CDCA4: variants seen among roughly 807,000 people sequenced by gnomAD.
The protein encoded by CDCA4 is cell division cycle-associated protein 4.
For missense variants in CDCA4, 294 were observed against 322.1 expected, an observed-to-expected ratio of 0.91 and a Z score of 0.67; for synonymous variants, 130 against 137.0, an observed-to-expected ratio of 0.95 and a Z score of 0.36.
intron 1 of CDCA4, among the ~76,000 whole-genome samples, chr14:105,018,732 G>T (rs1292690721): frequency 1.6e-5 from 2 of 128,150 alleles, no homozygotes; most frequent in East Asian, 2.1e-4. Context: ...CTAGCTCCCT[G>T]CTCAATTTTT....
At chr14:105,012,064 A>G (rs551736845) in intron 1 of CDCA4, 129 bp from the exon 2 acceptor site, 59 of 1,100,606 alleles carry the variant, frequency 5.4e-5, no homozygotes, top group East Asian at 2.9e-4. Flanking sequence ...GGGACTTGAC[A>G]GAGCTGTAAC....
chr14:105,014,781 TGG>T (rs1900599132), intron 1 of CDCA4, among the ~76,000 whole-genome samples: 1 of 152,242 alleles, frequency 6.6e-6, no homozygotes, highest in Non-Finnish European at 1.5e-5. Context: ...GGTTCCTCTG[TGG>T]GAAGTCAATA....
intron 1 of CDCA4, among the ~76,000 whole-genome samples, chr14:105,018,764 T>A (rs1886149975): frequency 6.8e-6 from 1 of 147,478 alleles, no homozygotes; most frequent in Non-Finnish European, 1.5e-5. Context: ...TAAGACAGAG[T>A]CTCATTCTGT....
In CDCA4 at chr14:105,009,894, C is replaced by CT. The variant is rs1438632077; in HGVS notation, c.*1309dup. On this transcript the variant is annotated 3_prime_UTR_variant, in exon 2 of 2. Transcript: ENST00000336219. The stretch of plus-strand genomic sequence containing the variant: ...CAGAACTGATCCTGCAGAAAGGTTG[C>CT]TGGAGGGTCAGGCCGTGGTCGTAAC... 1 of 152,192 alleles carries CT rather than the reference C, an allele frequency of 6.6e-6. No homozygotes were observed. Among genetic ancestry groups the CT allele is most frequent in the Non-Finnish European group, 1.5e-5 (1 of 68,038 alleles). The allele number at this position is 152,192 out of a possible 1,614,324, so 9.4% of individuals were successfully genotyped here. A position where few individuals can be genotyped will look rare whatever the true frequency, so the allele number is the denominator to read the frequency against.
At chr14:105,019,326 A>C (rs1212173513) in intron 1 of CDCA4, among the ~76,000 whole-genome samples, 2 of 152,168 alleles carry the variant, frequency 1.3e-5, no homozygotes, top group Non-Finnish European at 2.9e-5. Context: ...TCAGGCAAGC[A>C]GAGTACAGCT....
At position 105,011,639 on chromosome 14, in the gene CDCA4, G is replaced by A. The variant is rs1326837705; in HGVS notation, c.291C>T (p.Ser97=). ...AERAPLDRLV[S]TEILCRAAWG... ...ACGCTGCACGGCACAGGATCTCCGTGGAGACCAAGCGGTCGAGCGGCGCCC... is the reference window on the plus strand; with the variant it reads ...ACGCTGCACGGCACAGGATCTCCGTAGAGACCAAGCGGTCGAGCGGCGCCC... Residue 97 remains serine (S), a synonymous_variant, in exon 2 of 2, where the codon TCC becomes TCT. Coordinates refer to ENST00000336219, the MANE Select transcript of CDCA4 (RefSeq NM_017955.4). The A allele has an allele frequency of 6.2e-7, 1 of 1,613,900 alleles. No individual in the cohort carries two copies. The highest frequency in any genetic ancestry group is 8.5e-7 in the Non-Finnish European group (1 of 1,180,032).
chr14:105,011,945 C>G lies in CDCA4; in HGVS notation c.-6-10G>C. 1 of 1,589,408 alleles carries G rather than the reference C, an allele frequency of 6.3e-7. No individual in the cohort carries two copies. ...GTGCAAACATTGTGTCCTGCAGAAA[C>G]CAAGGAAGACACCACTTAGCACACG... On this transcript the variant is annotated splice_polypyrimidine_tract_variant and intron_variant, in intron 1 of 1. Transcript: ENST00000336219.
chr14:105,012,258 G>A (rs1028578568), intron 1 of CDCA4, among the ~76,000 whole-genome samples: 2 of 152,242 alleles, frequency 1.3e-5, no homozygotes, highest in Non-Finnish European at 1.5e-5. Flanking sequence ...TAAGAGAAAT[G>A]TAAGTGTTCG....
chr14:105,018,472 AC>A (rs1385290176), intron 1 of CDCA4, among the ~76,000 whole-genome samples: 4 of 152,200 alleles, frequency 2.6e-5, no homozygotes, highest in Non-Finnish European at 5.9e-5. Flanking sequence ...GTCACCCAGA[AC>A]ATGTGTTCAG....
chr14:105,015,026 T>C (rs1171483943), intron 1 of CDCA4, among the ~76,000 whole-genome samples: 8 of 152,086 alleles, frequency 5.3e-5, no homozygotes, highest in Non-Finnish European at 8.8e-5. Flanking sequence ...TCAGGGCAAC[T>C]CACAGAAGGA....
intron 1 of CDCA4, among the ~76,000 whole-genome samples, chr14:105,012,886 TCTCAA>T (rs1418004376): frequency 6.7e-6 from 1 of 149,698 alleles, no homozygotes; most frequent in Non-Finnish European, 1.5e-5. Context: ...TCCCCTCTCA[TCTCAA>T]CTCCTTTCTC....
At chr14:105,018,685 G>A (rs1411906173) in intron 1 of CDCA4, among the ~76,000 whole-genome samples, 1 of 152,028 alleles carries the variant, frequency 6.6e-6, no homozygotes, top group East Asian at 1.9e-4. Context: ...TATGGAATGA[G>A]AAAGGGCCCT....
intron 1 of CDCA4, among the ~76,000 whole-genome samples, chr14:105,018,824 C>T (rs1022288576): frequency 6.6e-6 from 1 of 151,988 alleles, no homozygotes; most frequent in African/African-American, 2.4e-5. Context: ...GCAACCTCCA[C>T]CTCCCAGGTT....
intron 1 of CDCA4, among the ~76,000 whole-genome samples, chr14:105,017,279 C>T (rs1900676507): frequency 1.3e-5 from 2 of 151,866 alleles, no homozygotes; most frequent in African/African-American, 2.4e-5. Context: ...GTGGTGCAAT[C>T]TCGGCTCACT....
intron 1 of CDCA4, among the ~76,000 whole-genome samples, chr14:105,018,939 G>A (rs567082308): frequency 1.3e-5 from 2 of 152,158 alleles, no homozygotes; most frequent in South Asian, 4.2e-4. Flanking sequence ...GTTTCACCAT[G>A]TTGGCCAGGC....
intron 1 of CDCA4, among the ~76,000 whole-genome samples, chr14:105,017,647 C>G (rs1886114385): frequency 6.6e-6 from 1 of 151,974 alleles, no homozygotes; most frequent in Non-Finnish European, 1.5e-5. Flanking sequence ...CTGGCCAACA[C>G]GATGAAACCC....
rs1269729226 is a variant in CDCA4 at position 105,010,943 on chromosome 14, GAC to G, written c.*259_*260del. 7.6e-6 allele frequency: 4 copies of G among 526,644 alleles called. No individual in the cohort carries two copies. Among genetic ancestry groups the G allele is most frequent in the Non-Finnish European group, 1.3e-5 (4 of 298,908 alleles). 32.6% of individuals were successfully genotyped at this position (526,644 alleles called of 1,614,324 possible). ...TCCTCTACAGTGGGGGACACAAAGA[GAC>G]ACGAGGGGCCCAGGGCTGTGGGGAC... On this transcript the variant is annotated 3_prime_UTR_variant, in exon 2 of 2. Coordinates refer to ENST00000336219, the MANE Select transcript of CDCA4 (RefSeq NM_017955.4).
At chr14:105,016,310 G>A (rs1900653976) in intron 1 of CDCA4, among the ~76,000 whole-genome samples, 1 of 152,122 alleles carries the variant, frequency 6.6e-6, no homozygotes, top group African/African-American at 2.4e-5. Context: ...TTTCCTCTCT[G>A]CACAAGGGAG....
chr14:105,012,066 A>G, intron 1 of CDCA4, 131 bp from the exon 2 acceptor site: 2 of 1,056,394 alleles, frequency 1.9e-6, no homozygotes, highest in Non-Finnish European at 2.7e-6. Flanking sequence ...GACTTGACAG[A>G]GCTGTAACTC....
Sources: gnomAD v4.1 joint callset for allele counts (sites outside exome capture counted in the v4.1 genomes callset) on GRCh38, gnomAD v4.1.1 for gene constraint, MANE v1.5 for transcripts, NCBI Gene and HGNC (gene_info 2026-07-23, HGNC 2026-07-21) for gene names.